FNIP2: variants seen among roughly 807,000 people sequenced by gnomAD.
The protein encoded by FNIP2 is folliculin-interacting protein 2.
In FNIP2, 32 loss-of-function variants were observed where a neutral mutation model predicts 108.7. The observed-to-expected ratio is 0.29, with a 90% CI of 0.22 to 0.40. The LOEUF is 0.40. Ranked by LOEUF, FNIP2 falls within the 10% of genes least tolerant of loss-of-function variation. FNIP2 has a pLI of 1.00. For synonymous variants in FNIP2, 480 were observed against 496.7 expected, an observed-to-expected ratio of 0.97 and a Z score of 0.45; for missense variants, 1,202 against 1,381.6, an observed-to-expected ratio of 0.87 and a Z score of 2.06.
chr4:158,824,736 C>T (rs1274210094), intron 1 of FNIP2, among the ~76,000 whole-genome samples: 10 of 152,152 alleles, frequency 6.6e-5, no homozygotes, highest in Non-Finnish European at 5.9e-5. Flanking sequence ...AGAACATGAT[C>T]CTGGCCCCTG....
At chr4:158,876,423 T>C (rs892594662) in intron 14 of FNIP2, among the ~76,000 whole-genome samples, 1 of 152,248 alleles carries the variant, frequency 6.6e-6, no homozygotes, top group African/African-American at 2.4e-5. Context: ...TATCTCCTCT[T>C]ATGCCCCAGT....
intron 1 of FNIP2, chr4:158,808,613 C>G (rs1777100076): frequency 6.6e-6 from 1 of 152,106 alleles, no homozygotes; most frequent in Non-Finnish European, 1.5e-5. Context: ...CTTGGGCCAA[C>G]TTGAGGGTAG....
intron 2 of FNIP2, among the ~76,000 whole-genome samples, chr4:158,826,566 C>T (rs963134418): frequency 5.3e-5 from 8 of 152,098 alleles, no homozygotes; most frequent in African/African-American, 1.9e-4. Flanking sequence ...CCCTTCTGAC[C>T]AGGGGAGCTT....
chr4:158,869,418 C>G lies in FNIP2; in HGVS notation c.2782C>G (p.Pro928Ala). Residue 928 changes from proline to alanine, a missense_variant, in exon 13 of 17, where the codon CCT becomes GCT. Pro to Ala is a conservative substitution (Grantham distance 27). Around this residue, in one of 5 missense-constraint regions of FNIP2, gnomAD observed 878 missense variants for 990.3 expected, o/e 0.89. Coordinates refer to ENST00000264433, the MANE Select transcript of FNIP2 (RefSeq NM_020840.3). ...TGGAGGGTCCTTGGAAGTGGAGCTG[C>G]CTCTGCCAAGGTAACTCCAGCAGGC... ...RTGGSLEVELPLPRSQSISTQ... is the reference protein window; with the variant it reads ...RTGGSLEVELALPRSQSISTQ... 6.3e-7 allele frequency: 1 copy of G among 1,598,952 alleles called. No homozygotes were observed. The highest frequency in any genetic ancestry group is 8.5e-7 in the Non-Finnish European group (1 of 1,174,044).
chr4:158,800,134 C>G (rs895403263), intron 1 of FNIP2, among the ~76,000 whole-genome samples: 1 of 152,090 alleles, frequency 6.6e-6, no homozygotes, highest in Non-Finnish European at 1.5e-5. Flanking sequence ...TTTCCTGGAG[C>G]CTTAACTTTC....
At chr4:158,789,328 T>TATGG in intron 1 of FNIP2, among the ~76,000 whole-genome samples, 1 of 152,268 alleles carries the variant, frequency 6.6e-6, no homozygotes, top group South Asian at 2.1e-4. Context: ...TGTATGTGTG[T>TATGG]GTGTGTGTGA....
intron 7 of FNIP2, 90 bp downstream of exon 7, chr4:158,835,566 C>T: frequency 8.7e-7 from 1 of 1,149,340 alleles, no homozygotes; most frequent in East Asian, 2.5e-5. Context: ...GGTAGATAAC[C>T]CTCATCCTGT....
At chr4:158,772,964 C>G (rs1414938044) in intron 1 of FNIP2, among the ~76,000 whole-genome samples, 1 of 152,062 alleles carries the variant, frequency 6.6e-6, no homozygotes, top group Non-Finnish European at 1.5e-5. Flanking sequence ...CTTGGAGTGA[C>G]TAAGGGCCGG....
At chr4:158,852,772 T>A (rs1779772267) in intron 8 of FNIP2, among the ~76,000 whole-genome samples, 1 of 152,232 alleles carries the variant, frequency 6.6e-6, no homozygotes, top group Non-Finnish European at 1.5e-5. Flanking sequence ...TATGACAGCT[T>A]CTGTGATTGG....
At chr4:158,856,029 T>C (rs927562612) in intron 8 of FNIP2, among the ~76,000 whole-genome samples, 1 of 152,178 alleles carries the variant, frequency 6.6e-6, no homozygotes, top group Admixed American at 6.5e-5. Context: ...TTCTTAACAG[T>C]TGGCTCCACG....
chr4:158,792,936 G>T (rs1776467712), intron 1 of FNIP2, among the ~76,000 whole-genome samples: 1 of 152,158 alleles, frequency 6.6e-6, no homozygotes, highest in Non-Finnish European at 1.5e-5. Context: ...AAGAGGTGAA[G>T]TCAGGATGGG....
At chr4:158,827,287 C>G (rs1778209410) in intron 2 of FNIP2, among the ~76,000 whole-genome samples, 1 of 152,334 alleles carries the variant, frequency 6.6e-6, no homozygotes, top group Admixed American at 6.5e-5. Context: ...TTTCCCATTT[C>G]TCTGAAGGCC....
At chr4:158,860,278 G>A (rs1165633621) in intron 10 of FNIP2, among the ~76,000 whole-genome samples, 2 of 152,144 alleles carry the variant, frequency 1.3e-5, no homozygotes, top group African/African-American at 2.4e-5. Context: ...AAGCAGTCAT[G>A]AGCGAATGAG....
In FNIP2 at chr4:158,869,050, T is replaced by C. The variant is rs2126704489; in HGVS notation, c.2414T>C (p.Met805Thr). Residue 805 changes from methionine (M) to threonine (T), a missense_variant, in exon 13 of 17, where the codon ATG becomes ACG. Physicochemically the swap from Met to Thr is moderately conservative, Grantham distance 81. Coordinates refer to ENST00000264433, the MANE Select transcript of FNIP2 (RefSeq NM_020840.3). ...FAEDRGSRND[M>T]AADIAGQLSH... ...GAGGACAGAGGCAGCAGAAACGACATGGCAGCAGATATTGCTGGGCAGCTC... is the reference window on the plus strand; with the variant it reads ...GAGGACAGAGGCAGCAGAAACGACACGGCAGCAGATATTGCTGGGCAGCTC... 2 of 1,613,976 alleles carry C rather than the reference T, an allele frequency of 1.2e-6. No homozygotes were observed. The highest frequency in any genetic ancestry group is 1.3e-5 in the African/African-American group (1 of 75,028).
At chr4:158,830,483 C>T (rs1476978771) in intron 3 of FNIP2, among the ~76,000 whole-genome samples, 3 of 151,680 alleles carry the variant, frequency 2.0e-5, no homozygotes, top group Admixed American at 1.3e-4. Context: ...AGGATGGTCT[C>T]GATCTCCTGA....
chr4:158,773,029 C>T (rs150909796), intron 1 of FNIP2, among the ~76,000 whole-genome samples: 252 of 152,174 alleles, frequency 1.7e-3, no homozygotes, highest in African/African-American at 5.6e-3. Flanking sequence ...GTGCTTCCTC[C>T]GCTCCCACTA....
chr4:158,899,759 G>C (rs1229304778), intron 16 of FNIP2, among the ~76,000 whole-genome samples: 1 of 151,834 alleles, frequency 6.6e-6, no homozygotes, highest in Non-Finnish European at 1.5e-5. Flanking sequence ...TTATTAGTCT[G>C]GCTAGTGGTC....
At chr4:158,812,061 T>A (rs966356766) in intron 1 of FNIP2, among the ~76,000 whole-genome samples, 3 of 152,022 alleles carry the variant, frequency 2.0e-5, no homozygotes, top group African/African-American at 7.2e-5. Context: ...GGGGTGGAGG[T>A]GTACTGGTGG....
At chr4:158,791,801 A>AGG (rs1243301503) in intron 1 of FNIP2, among the ~76,000 whole-genome samples, 1 of 152,100 alleles carries the variant, frequency 6.6e-6, no homozygotes, top group Non-Finnish European at 1.5e-5. Flanking sequence ...CTGCAGTCTG[A>AGG]GGGTTATATA....
Sources: allele counts gnomAD v4.1 joint callset (sites outside exome capture counted in the v4.1 genomes callset), GRCh38; gene constraint gnomAD v4.1.1; regional missense constraint gnomAD v4.1.1; transcripts MANE v1.5; gene names NCBI Gene and HGNC (gene_info 2026-07-23, HGNC 2026-07-21).